The following HABP4 variants were observed in gnomAD, a reference collection of about 807,000 sequenced individuals.
HABP4 encodes hyaluronan binding protein 4, also known as intracellular hyaluronan-binding protein 4.
HABP4 carries 32 observed loss-of-function variants against 44.1 expected under a neutral mutation model. That is an observed-to-expected ratio of 0.73 (90% CI 0.55 to 0.97). The LOEUF is 0.97. Among genes scored for constraint, HABP4 ranks in the 50% least tolerant of loss-of-function variants. The pLI is 0.00. For missense variants in HABP4, 503 were observed against 561.9 expected (o/e 0.90, Z 1.06); for synonymous variants, 216 against 218.0 (o/e 0.99, Z 0.08).
chr9:96,455,357 C>T (rs971812972), intron 1 of HABP4, among the ~76,000 whole-genome samples: 1 of 147,986 alleles, frequency 6.8e-6, no homozygotes, highest in Non-Finnish European at 1.5e-5. Context: ...GAGGCTGAGA[C>T]TTGAGAATTG....
intron 6 of HABP4, among the ~76,000 whole-genome samples, chr9:96,486,198 A>G (rs1213259527): frequency 6.6e-6 from 1 of 152,018 alleles, no homozygotes; most frequent in Admixed American, 6.5e-5. Context: ...TCTCCAAACA[A>G]AACAAAAAAA....
At chr9:96,468,105 C>T (rs1404264045) in intron 4 of HABP4, among the ~76,000 whole-genome samples, 1 of 152,002 alleles carries the variant, frequency 6.6e-6, no homozygotes, top group Admixed American at 6.6e-5. Flanking sequence ...GTCTCTAAGA[C>T]AGGGTCTGAC....
rs766412891 is a variant in HABP4, at chr9:96,490,028, C to T, written c.1232C>T (p.Ala411Val). 8.8e-6 allele frequency: 14 copies of T among 1,598,708 alleles called. No homozygotes were observed. Among genetic ancestry groups the T allele is most frequent in the South Asian group, 1.1e-5 (1 of 90,822 alleles). ...PNPDDPEDFP[A>V]LS is the part of the protein sequence containing the mutation. ...CCAGATGACCCGGAAGATTTCCCTG[C>T]GCTGTCTTGAAAGAGCCCTGTTTCC... The change falls in exon 8 of 8, where the codon GCG (alanine) becomes GTG (valine). Residue 411 changes from alanine (A) to valine (V), a missense_variant. Coordinates refer to ENST00000375249, the MANE Select transcript of HABP4 (RefSeq NM_014282.4).
chr9:96,465,403 C>CGGCAGA lies in HABP4; in HGVS notation c.588_593dup (p.Arg197_Gly198dup). 2 of 1,608,806 alleles carry CGGCAGA rather than the reference C, an allele frequency of 1.2e-6. No homozygotes were observed. Among genetic ancestry groups the CGGCAGA allele is most frequent in the South Asian group, 1.1e-5 (1 of 90,974 alleles). On this transcript the variant is annotated inframe_insertion, in exon 3 of 8. Coordinates refer to ENST00000375249, the MANE Select transcript of HABP4 (RefSeq NM_014282.4). ...GTGGAGGCCCGAGAGGGGGTATGCG[C>CGGCAGA]GGCAGAGGCAGAGGTGGCCCTGGGA...
At chr9:96,475,092 A>T (rs1474068821) in intron 5 of HABP4, among the ~76,000 whole-genome samples, 1 of 152,080 alleles carries the variant, frequency 6.6e-6, no homozygotes, top group African/African-American at 2.4e-5. Context: ...TAACTCTAAC[A>T]TTGGCCAGGC....
chr9:96,486,153 T>C (rs995863796), intron 6 of HABP4, among the ~76,000 whole-genome samples: 9 of 152,034 alleles, frequency 5.9e-5, no homozygotes, highest in African/African-American at 2.2e-4. Context: ...GATCACGCCA[T>C]TGCACTCCAG....
intron 5 of HABP4, among the ~76,000 whole-genome samples, chr9:96,474,568 G>C (rs1382703546): frequency 6.6e-6 from 1 of 152,128 alleles, no homozygotes; most frequent in African/African-American, 2.4e-5. Flanking sequence ...TGACCTGGGG[G>C]GAAAGTGAGC....
chr9:96,472,424 A>C (rs1390541267), intron 5 of HABP4, among the ~76,000 whole-genome samples: 1 of 152,124 alleles, frequency 6.6e-6, no homozygotes, highest in African/African-American at 2.4e-5. Flanking sequence ...TTCTGGATGC[A>C]ACATTTCCTT....
At chr9:96,471,121 G>T in intron 5 of HABP4, 27 bp downstream of exon 5, 1 of 1,151,646 alleles carries the variant, frequency 8.7e-7, no homozygotes, top group Non-Finnish European at 1.3e-6. Context: ...ATTCCCCATT[G>T]TGGTGTTGGT....
In HABP4 at chr9:96,450,819, C is replaced by G. The variant is rs1359528988; in HGVS notation, c.349+191C>G. ...CTCTCGCCAGCCTCGTGCGGGGCTC[C>G]GGGGGAAACGCTGGCTTGGGGTGGG... is the stretch of plus-strand genomic sequence containing the variant. On this transcript the variant is annotated intron_variant, in intron 1 of 7. Transcript: ENST00000375249. This position sits in a 1 kb window ranked among gnomAD's most constrained non-coding sequence, Gnocchi z 4.8. 6.6e-6 allele frequency among the ~76,000 whole-genome samples: 1 copy of G among 152,152 alleles called. No individual in the cohort carries two copies. The highest frequency in any genetic ancestry group is 1.9e-4 in the East Asian group (1 of 5,176).
chr9:96,461,326 AT>A (rs377043493), intron 2 of HABP4, among the ~76,000 whole-genome samples: 4 of 150,288 alleles, frequency 2.7e-5, no homozygotes, highest in African/African-American at 9.7e-5. Flanking sequence ...CATCTGAGGG[AT>A]TTTTTTTTTC....
At chr9:96,468,208 G>T (rs539700397) in intron 4 of HABP4, among the ~76,000 whole-genome samples, 1 of 151,036 alleles carries the variant, frequency 6.6e-6, no homozygotes, top group Non-Finnish European at 1.5e-5. Flanking sequence ...TCAGCTTCCC[G>T]AGCAGCTAGG....
chr9:96,482,105 T>A (rs1207074615), intron 5 of HABP4, among the ~76,000 whole-genome samples: 1 of 151,916 alleles, frequency 6.6e-6, no homozygotes. Context: ...CCGGCTAATT[T>A]TTCTGGTATT....
At chr9:96,465,902 T>G (rs979510069) in intron 4 of HABP4, 124 bp downstream of exon 4, 51 of 601,718 alleles carry the variant, frequency 8.5e-5, no homozygotes, top group Non-Finnish European at 6.6e-5. Flanking sequence ...AAGTAGAGAT[T>G]GATTTTAGGC....
At chr9:96,451,743 T>TA (rs985411934) in intron 1 of HABP4, among the ~76,000 whole-genome samples, 6 of 152,284 alleles carry the variant, frequency 3.9e-5, no homozygotes, top group Admixed American at 2.6e-4. Flanking sequence ...AAATGATTTT[T>TA]AAAAAAATGT....
rs775192323 is a variant in HABP4 at position 96,488,305 on chromosome 9, G to T, written c.1185+31G>T. The T allele has an allele frequency of 2.0e-6, 3 of 1,526,880 alleles. No individual in the cohort carries two copies. The South Asian group carries it at 3.4e-5, about 17-fold the overall frequency. The allele number at this position is 1,526,880 out of a possible 1,614,324, so 94.6% of individuals were successfully genotyped here. On this transcript the variant is annotated intron_variant, in intron 7 of 7. Coordinates refer to ENST00000375249, the MANE Select transcript of HABP4 (RefSeq NM_014282.4). This position sits in a 1 kb window ranked among gnomAD's most constrained non-coding sequence, Gnocchi z 4.6. ...TGTCTGTATTGACGGTTTGGCGAAA[G>T]AAGTTAATAAGGACAGTGCCCTGGG...
intron 1 of HABP4, chr9:96,451,344 CG>C: frequency 4.4e-6 from 1 of 229,480 alleles, no homozygotes; most frequent in South Asian, 1.6e-4. Flanking sequence ...CAAGAAAAAC[CG>C]GTGCGCAGCG....
Position 96,465,258 on chromosome 9 carries a change from G to T in HABP4, c.513-79G>T. Reference sequence around the variant, plus strand: ...ATTCTTTCCAGTATACTATAACCATGATTTTCTTTTAGAATTTTTTTCTGG... The same window carrying T: ...ATTCTTTCCAGTATACTATAACCATTATTTTCTTTTAGAATTTTTTTCTGG... On this transcript the variant is annotated intron_variant, in intron 2 of 7. Transcript: ENST00000375249. The T allele has an allele frequency of 3.4e-6, 3 of 877,020 alleles. No homozygotes were observed. The South Asian group carries it at 4.4e-5, about 13-fold the overall frequency. The allele number at this position is 877,020 out of a possible 1,614,324, so 54.3% of individuals were successfully genotyped here.
At chr9:96,452,949 C>CT (rs1177903166) in intron 1 of HABP4, among the ~76,000 whole-genome samples, 42 of 15,082 alleles carry the variant, frequency 2.8e-3, no homozygotes, top group African/African-American at 4.0e-3. Context: ...GAGACAGAGT[C>CT]TTTTTTTTTG....
Sources: gnomAD v4.1 joint callset for allele counts (sites outside exome capture counted in the v4.1 genomes callset) on GRCh38, gnomAD v4.1.1 for gene constraint, Gnocchi (gnomAD v3.1) non-coding constraint, MANE v1.5 for transcripts, NCBI Gene and HGNC (gene_info 2026-07-23, HGNC 2026-07-21) for gene names.